Variants in SREBF1 observed in about 807,000 individuals in gnomAD.
SREBF1 encodes the protein sterol regulatory element-binding protein 1.
A neutral mutation model predicts 100.1 loss-of-function variants in SREBF1; 45 were observed. The ratio of observed to expected loss-of-function variants is 0.45; its 90% CI spans 0.35 to 0.58. The LOEUF (loss-of-function observed/expected upper bound fraction) is 0.58, where lower values mean the gene tolerates loss of function less well. SREBF1 is among the 20% of genes least tolerant of loss of function. SREBF1 has a pLI of 0.00. For missense variants in SREBF1, 1,324 were observed against 1,539.4 expected (o/e 0.86, Z 2.34); for synonymous variants, 657 against 681.8 (o/e 0.96, Z 0.57).
At chr17:17,832,618 C>T (rs1001968827) in intron 1 of SREBF1, among the ~76,000 whole-genome samples, 3 of 152,194 alleles carry the variant, frequency 2.0e-5, no homozygotes, top group Admixed American at 1.3e-4. Flanking sequence ...AGTGAGGATC[C>T]GGGCAAAGAC....
At chr17:17,813,131 G>T in intron 18 of SREBF1, 3 of 603,306 alleles carry the variant, frequency 5.0e-6, no homozygotes, top group East Asian at 5.5e-5. Flanking sequence ...AAGATGCTTG[G>T]TCTTTTTTTT....
intron 1 of SREBF1, among the ~76,000 whole-genome samples, chr17:17,823,792 C>A (rs1287892736): frequency 6.6e-6 from 1 of 151,014 alleles, no homozygotes; most frequent in Non-Finnish European, 1.5e-5. Context: ...GCTGCCGCCT[C>A]GCTAGGGCCC....
Position 17,813,384 on chromosome 17 carries a change from G to T in SREBF1, c.3198C>A (p.Gly1066=), listed in dbSNP as rs763151522. 7.5e-6 allele frequency: 12 copies of T among 1,598,118 alleles called. No individual in the cohort carries two copies. The highest frequency in any genetic ancestry group is 2.0e-4 in the Middle Eastern group (1 of 5,018). ...LLDRSLRRRA[G]PGGKGGAVAE... is the part of the protein sequence containing the mutation. ...CCCCCTCACCTCCTTTGCCACCGGG[G>T]CCTGCCCGCCGCCTCAGACTGCGGT... is the stretch of plus-strand genomic sequence containing the variant. The change falls in exon 18 of 19, where the codon GGC becomes GGA. Residue 1066 remains glycine (G), a synonymous_variant. Transcript: ENST00000261646.
chr17:17,818,453 G>A (rs1567971219), intron 5 of SREBF1, 79 bp from the exon 6 acceptor site: 2 of 1,021,926 alleles, frequency 2.0e-6, no homozygotes, highest in Non-Finnish European at 3.1e-6. Context: ...GCCCTAGCAA[G>A]GGGGTGCGGA....
intron 15 of SREBF1, 59 bp from the exon 16 acceptor site, chr17:17,814,469 GCCC>G (rs2033320502): frequency 3.9e-6 from 6 of 1,544,238 alleles, no homozygotes; most frequent in Non-Finnish European, 5.2e-6. Context: ...CTGGCTGAGT[GCCC>G]CCCACTTCCC....
At chr17:17,833,465 A>ATATG (rs2035027390) in intron 1 of SREBF1, among the ~76,000 whole-genome samples, 1 of 121,362 alleles carries the variant, frequency 8.2e-6, no homozygotes, top group Non-Finnish European at 1.8e-5. Flanking sequence ...ATATATATAT[A>ATATG]TATATATATA....
intron 1 of SREBF1, among the ~76,000 whole-genome samples, chr17:17,835,282 G>T (rs902504382): frequency 2.6e-5 from 4 of 152,194 alleles, no homozygotes; most frequent in Non-Finnish European, 4.4e-5. Flanking sequence ...TAGGGCTTGG[G>T]ATTTCAGGGT....
Position 17,813,680 on chromosome 17 carries a change from G to C in SREBF1, c.2991C>G (p.Ala997=), listed in dbSNP as rs925312238. The part of the protein sequence containing the change: ...QQQPPAPAPA[A]QGTSSRPQAS... ...CCTGGGGCCTGCTGCTGGTGCCCTGGGCTGCTGGGGCCGGGGCCGGGGGCT... is the reference window on the plus strand; with the variant it reads ...CCTGGGGCCTGCTGCTGGTGCCCTGCGCTGCTGGGGCCGGGGCCGGGGGCT... Residue 997 remains alanine, a synonymous_variant, in exon 17 of 19, where the codon GCC becomes GCG. Transcript: ENST00000261646. 6.5e-7 allele frequency: 1 copy of C among 1,545,828 alleles called. No individual in the cohort carries two copies. Among genetic ancestry groups the C allele is most frequent in the Admixed American group, 1.9e-5 (1 of 52,326 alleles).
chr17:17,819,233 G>T lies in SREBF1; in HGVS notation c.848C>A (p.Thr283Asn). Residue 283 changes from threonine to asparagine, a missense_variant and splice_region_variant, in exon 5 of 19, where the codon ACC becomes AAC. Thr to Asn is a moderately conservative substitution (Grantham distance 65). Coordinates refer to ENST00000261646, the MANE Select transcript of SREBF1 (RefSeq NM_004176.5). The part of the protein sequence containing the change: ...GTTVQTGPLP[T>N]LVSGGTILAT... ...CAAGATGGTTCCGCCACTCACCAGGGTCTGCAGGGCCAGGCACATGTTACC... is the reference window on the plus strand; with the variant it reads ...CAAGATGGTTCCGCCACTCACCAGGTTCTGCAGGGCCAGGCACATGTTACC... The T allele has an allele frequency of 6.2e-7, 1 of 1,614,020 alleles. No homozygotes were observed.
In SREBF1 at chr17:17,817,629, G is replaced by A. The variant is rs188520844; in HGVS notation, c.1404+67C>T. ...AGGTAGGATCTGTTAGGGTCTTCCC[G>A]GCCCTGTCATGAGGCTCAGAGGATA... On this transcript the variant is annotated intron_variant, in intron 7 of 18. Coordinates refer to ENST00000261646, the MANE Select transcript of SREBF1 (RefSeq NM_004176.5). The surrounding 1 kb of genome is among the most constrained non-coding windows in gnomAD (Gnocchi z 6.6). 1.1e-4 allele frequency: 183 copies of A among 1,597,338 alleles called. 1 individual carries two copies. In the East Asian group the frequency reaches 3.3e-3, roughly 29 times the overall value.
chr17:17,814,424 G>A lies in SREBF1; in HGVS notation c.2736-14C>T, dbSNP rs763273627. 19 of 1,552,388 alleles carry A rather than the reference G, an allele frequency of 1.2e-5. No individual in the cohort carries two copies. In the South Asian group the frequency reaches 2.0e-4, roughly 16 times the overall value. The stretch of plus-strand genomic sequence containing the variant: ...GGCAGGGGTCTCCTGTTGGGACCAG[G>A]GCAGAAGAGTGCCAGTCAGACCAGT... On this transcript the variant is annotated splice_polypyrimidine_tract_variant and intron_variant, in intron 15 of 18. Transcript: ENST00000261646.
intron 1 of SREBF1, among the ~76,000 whole-genome samples, chr17:17,835,988 G>T (rs995828997): frequency 5.9e-5 from 9 of 152,238 alleles, no homozygotes; most frequent in Admixed American, 1.3e-4. Context: ...TGACCCTCAG[G>T]TCTCAGCTTA....
chr17:17,825,543 A>G (rs964176592), intron 1 of SREBF1, among the ~76,000 whole-genome samples: 3 of 151,160 alleles, frequency 2.0e-5, no homozygotes, highest in Admixed American at 6.6e-5. Context: ...AGCCTCTGAA[A>G]CTCAAGGCCT....
intron 1 of SREBF1, among the ~76,000 whole-genome samples, chr17:17,828,061 C>T (rs2034601670): frequency 6.6e-6 from 1 of 152,220 alleles, no homozygotes; most frequent in Admixed American, 6.5e-5. Flanking sequence ...CCCAGCCTCA[C>T]CCAGCACAGG....
chr17:17,816,198 C>CACCCCCACCCCCG lies in SREBF1; in HGVS notation c.2214+8_2214+9insCGGGGGTGGGGGT, dbSNP rs1555570228. ...CAGGGATAAGCCCCCAGCCCCCCAACCCACTCACTGTCAGAAAATGCAAGG... is the reference window on the plus strand; with the variant it reads ...CAGGGATAAGCCCCCAGCCCCCCAACACCCCCACCCCCGCCACTCACTGTCAGAAAATGCAAGG... On this transcript the variant is annotated intron_variant, in intron 11 of 18. Coordinates refer to ENST00000261646, the MANE Select transcript of SREBF1 (RefSeq NM_004176.5). 3 of 1,512,920 alleles carry CACCCCCACCCCCG rather than the reference C, an allele frequency of 2.0e-6. No individual in the cohort carries two copies. In the South Asian group the frequency reaches 3.6e-5, roughly 18 times the overall value. 93.7% of individuals were successfully genotyped at this position (1,512,920 alleles called of 1,614,324 possible).
chr17:17,824,234 G>C lies in SREBF1; in HGVS notation c.92-3713C>G, dbSNP rs562141425. ...TGGGTGCAGGGACCTCCCCCTTCTA[G>C]GGCAGCCCCAGGAAGGGGCCACCCC... is the stretch of plus-strand genomic sequence containing the variant. On this transcript the variant is annotated intron_variant, in intron 1 of 18. Transcript: ENST00000261646. The surrounding 1 kb of genome is among the most constrained non-coding windows in gnomAD (Gnocchi z 4.2). 6.3e-3 allele frequency among the ~76,000 whole-genome samples: 956 copies of C among 152,308 alleles called. 7 individuals carry two copies. The highest frequency in any genetic ancestry group is 0.01 in the Non-Finnish European group (685 of 68,022).
At chr17:17,834,445 G>A (rs2143219069) in intron 1 of SREBF1, among the ~76,000 whole-genome samples, 1 of 152,208 alleles carries the variant, frequency 6.6e-6, no homozygotes, top group South Asian at 2.1e-4. Context: ...TTTCTACAAT[G>A]AAAAAAGATG....
intron 16 of SREBF1, 157 bp from the exon 17 acceptor site, chr17:17,813,926 G>T: frequency 1.2e-6 from 1 of 826,590 alleles, no homozygotes; most frequent in Non-Finnish European, 1.9e-6. Context: ...CCGCGGGGCC[G>T]CCCGCCTCTC....
In SREBF1 at chr17:17,816,652, T is replaced by C. The variant is rs1460061515; in HGVS notation, c.1852A>G (p.Thr618Ala). ...ALRALGRPLP[T>A]SHLDLACSLL... ...CTACAAGCCAGGTCCAGGTGGGAGG[T>C]GGGCAGGGGCCGGCCCAGTGCCCGC... is the stretch of plus-strand genomic sequence containing the variant. The change falls in exon 10 of 19, where the codon ACC becomes GCC. Residue 618 changes from threonine (T) to alanine (A), a missense_variant. Physicochemically the swap from Thr to Ala is moderately conservative, Grantham distance 58. Coordinates refer to ENST00000261646, the MANE Select transcript of SREBF1 (RefSeq NM_004176.5). 6.3e-7 allele frequency: 1 copy of C among 1,590,378 alleles called. No individual in the cohort carries two copies. The highest frequency in any genetic ancestry group is 1.8e-5 in the Admixed American group (1 of 55,902).
Sources: gnomAD v4.1 joint callset for allele counts (sites outside exome capture counted in the v4.1 genomes callset) on GRCh38, gnomAD v4.1.1 for gene constraint, Gnocchi (gnomAD v3.1) non-coding constraint, MANE v1.5 for transcripts, NCBI Gene and HGNC (gene_info 2026-07-23, HGNC 2026-07-21) for gene names.